MYO1B: variants seen among roughly 807,000 people sequenced by gnomAD.
MYO1B encodes the protein myosin IB.
MYO1B carries 72 observed loss-of-function variants against 159.7 expected under a neutral mutation model. The ratio of observed to expected loss-of-function variants is 0.45; its 90% confidence interval spans 0.37 to 0.55. The LOEUF (loss-of-function observed/expected upper bound fraction) is 0.55. MYO1B is among the 20% of genes least tolerant of loss of function. MYO1B has a pLI of 0.00. For synonymous variants in MYO1B, 468 were observed against 473.8 expected (o/e 0.99, Z 0.16); for missense variants, 1,062 against 1,364.8 (o/e 0.78, Z 3.50).
chr2:191,374,949 A>C (rs946547136), intron 13 of MYO1B, among the ~76,000 whole-genome samples: 8 of 152,260 alleles, frequency 5.3e-5, no homozygotes, highest in African/African-American at 1.7e-4. Flanking sequence ...AAGTTGAACA[A>C]TCTACATTGA....
intron 2 of MYO1B, among the ~76,000 whole-genome samples, chr2:191,291,572 A>G (rs931118340): frequency 6.6e-6 from 1 of 151,962 alleles, no homozygotes; most frequent in African/African-American, 2.4e-5. Flanking sequence ...CCATTGTCAT[A>G]TTAGTGGTGG....
chr2:191,339,650 T>G (rs1692085711), intron 4 of MYO1B, among the ~76,000 whole-genome samples: 1 of 152,204 alleles, frequency 6.6e-6, no homozygotes, highest in Non-Finnish European at 1.5e-5. Flanking sequence ...TGGAGAGAGT[T>G]ACCTCCAACC....
chr2:191,417,857 C>T (rs1239006477), intron 30 of MYO1B, among the ~76,000 whole-genome samples: 1 of 152,200 alleles, frequency 6.6e-6, no homozygotes, highest in African/African-American at 2.4e-5. Flanking sequence ...ACATAGTCAA[C>T]CACAGAGCTC....
At chr2:191,402,852 G>T (rs1367654145) in intron 24 of MYO1B, 134 bp downstream of exon 24, 3 of 643,002 alleles carry the variant, frequency 4.7e-6, no homozygotes, top group East Asian at 3.1e-5. Flanking sequence ...GCTTAATTTT[G>T]TACCTTTTTC....
intron 20 of MYO1B, 104 bp downstream of exon 20, chr2:191,393,326 C>T (rs1695875798): frequency 1.5e-6 from 2 of 1,292,956 alleles, no homozygotes; most frequent in Non-Finnish European, 2.1e-6. Flanking sequence ...ATTCTCCCAA[C>T]AACCTCATGA....
chr2:191,414,969 A>ATC (rs1488536460), intron 29 of MYO1B, among the ~76,000 whole-genome samples: 1 of 152,114 alleles, frequency 6.6e-6, no homozygotes, highest in Admixed American at 6.5e-5. Flanking sequence ...CTTAATGTTC[A>ATC]TCTCTAATCT....
intron 28 of MYO1B, 127 bp downstream of exon 28, chr2:191,414,307 C>T (rs1298831243): frequency 1.6e-6 from 2 of 1,245,396 alleles, no homozygotes; most frequent in Middle Eastern, 2.4e-4. Flanking sequence ...GGCTATTTCC[C>T]CTTACCTTTA....
chr2:191,258,219 A>T (rs1043811981), intron 1 of MYO1B, among the ~76,000 whole-genome samples: 2 of 152,252 alleles, frequency 1.3e-5, no homozygotes, highest in African/African-American at 4.8e-5. Context: ...CTCCTAGTCT[A>T]CAAACCTGTA....
At chr2:191,258,794 C>T (rs1462174704) in intron 1 of MYO1B, among the ~76,000 whole-genome samples, 1 of 152,196 alleles carries the variant, frequency 6.6e-6, no homozygotes, top group Admixed American at 6.5e-5. Flanking sequence ...GAGCATGGAA[C>T]ACATAATGCT....
At chr2:191,274,152 T>G (rs573073416) in intron 1 of MYO1B, among the ~76,000 whole-genome samples, 2 of 152,314 alleles carry the variant, frequency 1.3e-5, no homozygotes, top group African/African-American at 2.4e-5. Flanking sequence ...AAAGCAAAAC[T>G]GTTTGCATGA....
intron 3 of MYO1B, among the ~76,000 whole-genome samples, chr2:191,304,912 C>T (rs146442401): frequency 2.6e-5 from 4 of 152,180 alleles, no homozygotes; most frequent in African/African-American, 7.2e-5. Context: ...ATGTTCACAC[C>T]GGCATACACG....
chr2:191,369,670 A>G, intron 12 of MYO1B, 42 bp downstream of exon 12: 4 of 1,430,240 alleles, frequency 2.8e-6, no homozygotes, highest in Non-Finnish European at 3.9e-6. Flanking sequence ...AATAAATGGT[A>G]TTCACAGTAT....
intron 23 of MYO1B, chr2:191,401,830 T>C (rs981171760): frequency 6.6e-6 from 1 of 152,214 alleles, no homozygotes; most frequent in East Asian, 1.9e-4. Context: ...AAAAGGACTC[T>C]TAGGTGGGTC....
intron 30 of MYO1B, among the ~76,000 whole-genome samples, chr2:191,422,513 A>T (rs1266827053): frequency 6.6e-6 from 1 of 152,212 alleles, no homozygotes; most frequent in African/African-American, 2.4e-5. Flanking sequence ...TTAATCCATG[A>T]ATTAATTTCT....
chr2:191,406,076 T>C (rs186002411), intron 24 of MYO1B, among the ~76,000 whole-genome samples: 2 of 152,352 alleles, frequency 1.3e-5, no homozygotes, highest in African/African-American at 4.8e-5. Context: ...TGGATAACTT[T>C]CTGCAGCTTC....
chr2:191,336,929 G>A (rs1222738294), intron 4 of MYO1B, among the ~76,000 whole-genome samples: 1 of 151,900 alleles, frequency 6.6e-6, no homozygotes, highest in African/African-American at 2.4e-5. Flanking sequence ...TAAATGTATG[G>A]CCCTCTCTAT....
chr2:191,257,747 C>G (rs769936183), intron 1 of MYO1B, among the ~76,000 whole-genome samples: 17 of 152,152 alleles, frequency 1.1e-4, no homozygotes, highest in Non-Finnish European at 2.2e-4. Context: ...AGCTGAAGAG[C>G]TGTTTACATG....
intron 3 of MYO1B, among the ~76,000 whole-genome samples, chr2:191,312,333 G>A (rs1006724213): frequency 6.6e-6 from 1 of 152,012 alleles, no homozygotes; most frequent in Non-Finnish European, 1.5e-5. Flanking sequence ...TCTATATTCT[G>A]TTTTACTCAC....
At chr2:191,366,976 C>T (rs1425245353) in intron 11 of MYO1B, among the ~76,000 whole-genome samples, 1 of 152,008 alleles carries the variant, frequency 6.6e-6, no homozygotes, top group African/African-American at 2.4e-5. Flanking sequence ...GTCTGTGCAT[C>T]TCTGAGTCTC....
Sources: allele counts gnomAD v4.1 joint callset (sites outside exome capture counted in the v4.1 genomes callset), GRCh38; gene constraint gnomAD v4.1.1; transcripts MANE v1.5; gene names NCBI Gene and HGNC (gene_info 2026-07-23, HGNC 2026-07-21).